ANKHD1: variants seen among roughly 807,000 people sequenced by gnomAD.
ANKHD1 encodes ankyrin repeat and KH domain containing 1, also known as ankyrin repeat and KH domain-containing protein 1.
Under a neutral mutation model 230.5 loss-of-function variants are expected in ANKHD1, and 31 were observed. The ratio of observed to expected loss-of-function variants is 0.13; its 90% CI spans 0.10 to 0.18. The LOEUF (loss-of-function observed/expected upper bound fraction) is 0.18. Ranked by LOEUF, ANKHD1 falls within the 10% of genes least tolerant of loss-of-function variation. The pLI is 1.00. For synonymous variants in ANKHD1, 1,074 were observed against 1,117.6 expected, an observed-to-expected ratio of 0.96 and a Z score of 0.78; for missense variants, 2,256 against 3,071.3, an observed-to-expected ratio of 0.73 and a Z score of 6.27.
At chr5:140,450,530 GTC>G (rs148476012) in intron 7 of ANKHD1, among the ~76,000 whole-genome samples, 61 of 147,662 alleles carry the variant, frequency 4.1e-4, no homozygotes, top group Non-Finnish European at 3.2e-4. Context: ...TTTTCTATTG[GTC>G]TCTCTCTCTC....
intron 1 of ANKHD1, among the ~76,000 whole-genome samples, chr5:140,428,504 C>T (rs71592123): frequency 0.3 from 45,353 of 151,894 alleles, 8,317 homozygotes; most frequent in East Asian, 0.5. Flanking sequence ...GGCGTGGTGG[C>T]GCACGCCTGC....
chr5:140,420,307 T>C (rs756532963), intron 1 of ANKHD1, among the ~76,000 whole-genome samples: 1 of 151,988 alleles, frequency 6.6e-6, no homozygotes, highest in Non-Finnish European at 1.5e-5. Flanking sequence ...CACTTTCTTG[T>C]GTCACTTGAA....
At chr5:140,533,579 A>G (rs1343195645) in intron 29 of ANKHD1, among the ~76,000 whole-genome samples, 1 of 152,100 alleles carries the variant, frequency 6.6e-6, no homozygotes, top group Non-Finnish European at 1.5e-5. Flanking sequence ...AGCCTCGGCA[A>G]CAGAGCGAGA....
At position 140,539,615 on chromosome 5, in the gene ANKHD1, T is replaced by A; in HGVS notation, c.*197T>A. 1 of 568,784 alleles carries A rather than the reference T, an allele frequency of 1.8e-6. No homozygotes were observed. Among genetic ancestry groups the A allele is most frequent in the Non-Finnish European group, 3.0e-6 (1 of 337,426 alleles). 35.2% of individuals were successfully genotyped at this position (568,784 alleles called of 1,614,324 possible). A position where few individuals can be genotyped will look rare whatever the true frequency, so the allele number is the denominator to read the frequency against. On this transcript the variant is annotated 3_prime_UTR_variant, in exon 34 of 34. Transcript: ENST00000360839. ...CTGGTTAGTTTAGCCATTTTGAACTTAAGATCATATGACCTTAGTGCTTTT... is the reference window on the plus strand; with the variant it reads ...CTGGTTAGTTTAGCCATTTTGAACTAAAGATCATATGACCTTAGTGCTTTT...
At chr5:140,402,411 C>G (rs972703312) in intron 1 of ANKHD1, 138 bp downstream of exon 1, 1 of 1,228,308 alleles carries the variant, frequency 8.1e-7, no homozygotes, top group Admixed American at 3.6e-5. Context: ...CGGCGGTGGC[C>G]GCGGTGAGGG....
intron 5 of ANKHD1, among the ~76,000 whole-genome samples, chr5:140,443,599 G>C (rs1774038091): frequency 6.6e-6 from 1 of 151,902 alleles, no homozygotes; most frequent in East Asian, 1.9e-4. Context: ...GCTGAGGCAG[G>C]AGAATGGCAT....
At chr5:140,425,671 T>C (rs774461777) in intron 1 of ANKHD1, among the ~76,000 whole-genome samples, 1 of 152,214 alleles carries the variant, frequency 6.6e-6, no homozygotes, top group Non-Finnish European at 1.5e-5. Flanking sequence ...ATAGCCTTTT[T>C]ATTCCAGTAT....
intron 7 of ANKHD1, among the ~76,000 whole-genome samples, chr5:140,451,732 A>G (rs1774750647): frequency 6.6e-6 from 1 of 152,132 alleles, no homozygotes; most frequent in Non-Finnish European, 1.5e-5. Flanking sequence ...GGTCTCAAAC[A>G]TCTGGGCTCA....
At chr5:140,492,896 G>A (rs1470571547) in intron 14 of ANKHD1, among the ~76,000 whole-genome samples, 2 of 152,000 alleles carry the variant, frequency 1.3e-5, no homozygotes, top group Admixed American at 6.6e-5. Flanking sequence ...GCAAATACAT[G>A]TCCACCTCAT....
At chr5:140,489,214 G>GA (rs1394438843) in intron 14 of ANKHD1, among the ~76,000 whole-genome samples, 1 of 149,956 alleles carries the variant, frequency 6.7e-6, no homozygotes, top group Non-Finnish European at 1.5e-5. Context: ...ACCAGAAAAA[G>GA]AAAAAAAATT....
chr5:140,528,902 C>T lies in ANKHD1; in HGVS notation c.5956C>T (p.Leu1986=). ...TTCTGTGACAAGCACTTGTAGTTCCCTGCCTTCTGTCTCCTCTGCACCTAT... is the reference window on the plus strand; with the variant it reads ...TTCTGTGACAAGCACTTGTAGTTCCTTGCCTTCTGTCTCCTCTGCACCTAT... ...ISSVTSTCSS[L]PSVSSAPITS... is the part of the protein sequence containing the mutation. The change falls in exon 29 of 34, where the codon CTG becomes TTG. Residue 1986 remains leucine, a synonymous_variant. Transcript: ENST00000360839. 1 of 1,614,202 alleles carries T rather than the reference C, an allele frequency of 6.2e-7. No individual in the cohort carries two copies. Among genetic ancestry groups the T allele is most frequent in the Non-Finnish European group, 8.5e-7 (1 of 1,180,032 alleles).
rs75683684 is a variant in ANKHD1, at chr5:140,490,287, T to C, written c.2245+3227T>C. On this transcript the variant is annotated intron_variant, in intron 14 of 33. Coordinates refer to ENST00000360839, the MANE Select transcript of ANKHD1 (RefSeq NM_017747.3). ...CTCCTGTCTGTTTTTAGTAAATCTT[T>C]TTATTATTCATATCCTCATCCTTTT... Among the ~76,000 whole-genome samples, 558 of 152,352 alleles carry C rather than the reference T, an allele frequency of 3.7e-3. 7 individuals are homozygous for C. Among genetic ancestry groups the C allele is most frequent in the African/African-American group, 0.013 (544 of 41,574 alleles).
At chr5:140,475,178 T>A (rs1561777477) in intron 10 of ANKHD1, among the ~76,000 whole-genome samples, 1 of 152,172 alleles carries the variant, frequency 6.6e-6, no homozygotes, top group Non-Finnish European at 1.5e-5. Context: ...GTCAAGAAGG[T>A]AAAGTCATTA....
chr5:140,496,015 A>G (rs1752015075), intron 14 of ANKHD1, among the ~76,000 whole-genome samples: 2 of 152,092 alleles, frequency 1.3e-5, no homozygotes, highest in Admixed American at 1.3e-4. Context: ...ACTATCCCCT[A>G]CTTTGATCTG....
chr5:140,444,922 G>A (rs1007775483), intron 5 of ANKHD1, among the ~76,000 whole-genome samples: 4 of 151,796 alleles, frequency 2.6e-5, no homozygotes, highest in Non-Finnish European at 5.9e-5. Flanking sequence ...TTTTGTATTG[G>A]GCTTTCCAGA....
intron 31 of ANKHD1, 53 bp downstream of exon 31, chr5:140,537,642 T>G (rs766891362): frequency 6.7e-7 from 1 of 1,482,932 alleles, no homozygotes; most frequent in Non-Finnish European, 8.9e-7. Flanking sequence ...AGCTGTAGGT[T>G]TGCCATTAAA....
intron 21 of ANKHD1, 94 bp downstream of exon 21, chr5:140,509,906 T>C: frequency 1.3e-6 from 2 of 1,545,270 alleles, no homozygotes; most frequent in Non-Finnish European, 1.7e-6. Flanking sequence ...TTTATTGATA[T>C]TGTTAAGAAA....
At chr5:140,438,727 A>G in intron 3 of ANKHD1, 110 bp downstream of exon 3, 1 of 1,373,762 alleles carries the variant, frequency 7.3e-7, no homozygotes, top group Non-Finnish European at 9.6e-7. Context: ...ACTTTAGCTG[A>G]AAGGATATTA....
chr5:140,423,733 C>T (rs937077013), intron 1 of ANKHD1, among the ~76,000 whole-genome samples: 1 of 152,134 alleles, frequency 6.6e-6, no homozygotes, highest in Non-Finnish European at 1.5e-5. Context: ...AATTCTAAAA[C>T]TGAACTCATA....
Sources: allele counts gnomAD v4.1 joint callset (sites outside exome capture counted in the v4.1 genomes callset), GRCh38; gene constraint gnomAD v4.1.1; transcripts MANE v1.5; gene names NCBI Gene and HGNC (gene_info 2026-07-23, HGNC 2026-07-21).